TMEM178B: variants seen among roughly 807,000 people sequenced by gnomAD.
TMEM178B encodes the protein transmembrane protein 178B.
A neutral mutation model predicts 31.0 loss-of-function variants in TMEM178B; 5 were observed. The observed-to-expected ratio is 0.16, with a 90% confidence interval of 0.08 to 0.34. TMEM178B has a LOEUF of 0.34. Among genes scored for constraint, TMEM178B ranks in the 10% least tolerant of loss-of-function variants. The pLI is 1.00. For synonymous variants in TMEM178B, 164 were observed against 164.0 expected, an observed-to-expected ratio of 1.00 and a Z score of 0.00; for missense variants, 275 against 400.3, an observed-to-expected ratio of 0.69 and a Z score of 2.67.
chr7:141,270,353 G>T (rs1487470287), intron 2 of TMEM178B, among the ~76,000 whole-genome samples: 1 of 152,020 alleles, frequency 6.6e-6, no homozygotes, highest in African/African-American at 2.4e-5. Context: ...GCTGTAGGTG[G>T]CACAATCTTG....
intron 2 of TMEM178B, among the ~76,000 whole-genome samples, chr7:141,427,534 C>T (rs974519826): frequency 6.6e-6 from 1 of 152,184 alleles, no homozygotes; most frequent in African/African-American, 2.4e-5. Context: ...CCTTATCTCT[C>T]ACCGTATTCA....
chr7:141,249,116 C>A (rs1254510091), intron 2 of TMEM178B, among the ~76,000 whole-genome samples: 1 of 152,106 alleles, frequency 6.6e-6, no homozygotes, highest in East Asian at 1.9e-4. Flanking sequence ...GACTGTGTCC[C>A]CACCCAAATC....
intron 3 of TMEM178B, among the ~76,000 whole-genome samples, chr7:141,457,128 G>T (rs919806745): frequency 6.6e-6 from 1 of 152,100 alleles, no homozygotes; most frequent in Non-Finnish European, 1.5e-5. Flanking sequence ...AAGTGGAGTG[G>T]GCTAGAGGTT....
intron 2 of TMEM178B, among the ~76,000 whole-genome samples, chr7:141,225,335 C>G (rs879861790): frequency 6.6e-6 from 1 of 152,176 alleles, no homozygotes; most frequent in Non-Finnish European, 1.5e-5. Context: ...GAACCCTTCT[C>G]TTTGTCCATT....
intron 1 of TMEM178B, among the ~76,000 whole-genome samples, chr7:141,207,351 A>G (rs1044273769): frequency 3.9e-5 from 6 of 152,196 alleles, no homozygotes; most frequent in Non-Finnish European, 8.8e-5. Flanking sequence ...TAATTTTTTG[A>G]GGAACCACCA....
intron 2 of TMEM178B, among the ~76,000 whole-genome samples, chr7:141,403,254 C>T (rs925776920): frequency 3.9e-5 from 6 of 152,252 alleles, no homozygotes; most frequent in Admixed American, 2.6e-4. Context: ...TTTGGTATCA[C>T]GGGGGCCTCA....
At chr7:141,099,023 A>G (rs1196315500) in intron 1 of TMEM178B, among the ~76,000 whole-genome samples, 1 of 152,232 alleles carries the variant, frequency 6.6e-6, no homozygotes, top group Non-Finnish European at 1.5e-5. Flanking sequence ...CGAAAACAAA[A>G]GTCTTCTAAC....
At position 141,257,896 on chromosome 7, in the gene TMEM178B, A is replaced by C. The variant is rs1586854581; in HGVS notation, c.496+45192A>C. Among the ~76,000 whole-genome samples the C allele has an allele frequency of 3.3e-5, 5 of 151,832 alleles. 1 individual carries two copies. Among genetic ancestry groups the C allele is most frequent in the African/African-American group, 1.2e-4 (5 of 41,484 alleles). ...CTATTTCTTTTCTATATGGTCTCCTATCATTTTTGTTTATCTGTTCCTCCC... is the reference window on the plus strand; with the variant it reads ...CTATTTCTTTTCTATATGGTCTCCTCTCATTTTTGTTTATCTGTTCCTCCC... On this transcript the variant is annotated intron_variant, in intron 2 of 3. Coordinates refer to ENST00000565468, the MANE Select transcript of TMEM178B (RefSeq NM_001195278.2).
intron 2 of TMEM178B, among the ~76,000 whole-genome samples, chr7:141,285,489 C>A (rs1442589195): frequency 6.6e-6 from 1 of 151,864 alleles, no homozygotes. Flanking sequence ...TTTAGAATTG[C>A]CCCATCTTGA....
intron 2 of TMEM178B, among the ~76,000 whole-genome samples, chr7:141,421,169 A>G (rs1000940680): frequency 2.6e-5 from 4 of 152,230 alleles, no homozygotes; most frequent in Admixed American, 6.5e-5. Context: ...CCTTGCTTAT[A>G]TGTGGATGGA....
chr7:141,174,736 G>A (rs891895896), intron 1 of TMEM178B, among the ~76,000 whole-genome samples: 1 of 152,170 alleles, frequency 6.6e-6, no homozygotes, highest in African/African-American at 2.4e-5. Flanking sequence ...TTTCTCATAT[G>A]TTTGTTGGCC....
chr7:141,489,225 A>C, the TMEM178B span, among the ~76,000 whole-genome samples: 7 of 152,164 alleles, frequency 4.6e-5, no homozygotes, highest in African/African-American at 7.2e-5. Flanking sequence ...AAAATACTTC[A>C]GCTTGAAAAG....
At chr7:141,104,460 C>A (rs1261603791) in intron 1 of TMEM178B, among the ~76,000 whole-genome samples, 1 of 152,160 alleles carries the variant, frequency 6.6e-6, no homozygotes, top group African/African-American at 2.4e-5. Flanking sequence ...GCTAAAAATG[C>A]AATTTGGCAT....
chr7:141,215,782 CTTTCTTTCTTTCTTTCTTT>C (rs1563120247), intron 2 of TMEM178B, among the ~76,000 whole-genome samples: 64 of 41,302 alleles, frequency 1.5e-3, no homozygotes, highest in East Asian at 5.3e-3. Context: ...ACTTTCCTTT[CTTTCTTTCTTTCTTTCTTT>C]CTTTCTTTCT....
At chr7:141,216,472 TGTGG>T (rs1163643327) in intron 2 of TMEM178B, among the ~76,000 whole-genome samples, 1,506 of 83,756 alleles carry the variant, frequency 0.018, 72 homozygotes, top group Non-Finnish European at 0.024. Context: ...CGTGTGTGTG[TGTGG>T]GTGTGTGGTG....
the TMEM178B span, among the ~76,000 whole-genome samples, chr7:141,491,711 T>G: frequency 6.6e-6 from 1 of 152,084 alleles, no homozygotes; most frequent in Non-Finnish European, 1.5e-5. Context: ...GAAGCGGGGG[T>G]CATGTCAGAT....
intron 2 of TMEM178B, among the ~76,000 whole-genome samples, chr7:141,261,179 G>T (rs548130990): frequency 4.6e-5 from 7 of 152,278 alleles, no homozygotes; most frequent in Admixed American, 2.0e-4. Flanking sequence ...TAACCATTTT[G>T]TTTGGGGCAC....
intron 2 of TMEM178B, among the ~76,000 whole-genome samples, chr7:141,241,804 G>A (rs1362902794): frequency 6.6e-6 from 1 of 152,040 alleles, no homozygotes; most frequent in African/African-American, 2.4e-5. Context: ...AAGTAAAAAG[G>A]AATGGGTTGA....
chr7:141,141,063 T>A (rs1246267492), intron 1 of TMEM178B, among the ~76,000 whole-genome samples: 1 of 152,224 alleles, frequency 6.6e-6, no homozygotes, highest in African/African-American at 2.4e-5. Context: ...AGTATCTATA[T>A]AAATTGTTTG....
Sources: gnomAD v4.1 joint callset for allele counts (sites outside exome capture counted in the v4.1 genomes callset) on GRCh38, gnomAD v4.1.1 for gene constraint, MANE v1.5 for transcripts, NCBI Gene and HGNC (gene_info 2026-07-23, HGNC 2026-07-21) for gene names.